MTG2: variants seen among roughly 807,000 people sequenced by gnomAD.
The protein encoded by MTG2 is mitochondrial ribosome associated GTPase 2, also known as mitochondrial ribosome-associated GTPase 2.
Under a neutral mutation model 28.6 loss-of-function variants are expected in MTG2, and 23 were observed. The observed-to-expected ratio is 0.80, with a 90% CI of 0.58 to 1.14. MTG2 has a LOEUF of 1.14. Ranked by LOEUF, MTG2 falls within the 50% of genes most tolerant of loss-of-function variation. MTG2 has a pLI of 0.00. For missense variants in MTG2, 539 were observed against 552.0 expected (o/e 0.98, Z 0.24); for synonymous variants, 260 against 251.8 (o/e 1.03, Z -0.31).
chr20:62,191,849 A>C (rs1324171631), intron 1 of MTG2, among the ~76,000 whole-genome samples: 1 of 152,236 alleles, frequency 6.6e-6, no homozygotes, highest in East Asian at 1.9e-4. Context: ...GGGCAGGGTC[A>C]GGACTTCCTC....
intron 1 of MTG2, among the ~76,000 whole-genome samples, chr20:62,190,277 C>T (rs1376069213): frequency 2.0e-5 from 3 of 152,236 alleles, no homozygotes; most frequent in African/African-American, 7.2e-5. Context: ...CCTGACCTTT[C>T]TGTTGCCTTT....
chr20:62,196,858 G>T (rs571208818), intron 3 of MTG2, among the ~76,000 whole-genome samples: 1 of 147,536 alleles, frequency 6.8e-6, no homozygotes, highest in Non-Finnish European at 1.5e-5. Context: ...GTGAAACCCC[G>T]TCTCTACAAA....
At chr20:62,195,706 G>A (rs1244065867) in intron 2 of MTG2, 96 bp from the exon 3 acceptor site, 40 of 1,446,378 alleles carry the variant, frequency 2.8e-5, no homozygotes, top group Admixed American at 7.2e-5. Flanking sequence ...TTAATAGGCT[G>A]TTATAGATAG....
In MTG2 at chr20:62,193,608, T is replaced by C. The variant is rs1407308650; in HGVS notation, c.188T>C (p.Leu63Pro). Residue 63 changes from leucine (L) to proline (P), a missense_variant, in exon 2 of 7, where the codon CTC becomes CCC. Coordinates refer to ENST00000370823, the MANE Select transcript of MTG2 (RefSeq NM_015666.4). ...KHQELPGKKL[L>P]SEKKLKRYFV... ...CAGGAACTCCCGGGGAAGAAGCTGC[T>C]CTCTGAGAAAAAGCTGGTGAGACTC... is the stretch of plus-strand genomic sequence containing the variant. 1 of 1,611,708 alleles carries C rather than the reference T, an allele frequency of 6.2e-7. No individual in the cohort carries two copies.
chr20:62,195,971 A>C, intron 3 of MTG2, 22 bp downstream of exon 3: 1 of 1,612,822 alleles, frequency 6.2e-7, no homozygotes, highest in Non-Finnish European at 8.5e-7. Flanking sequence ...GGGGCAGTGC[A>C]GCGGGGTTGA....
intron 1 of MTG2, among the ~76,000 whole-genome samples, chr20:62,184,131 G>T (rs2057785080): frequency 6.6e-6 from 1 of 152,236 alleles, no homozygotes; most frequent in South Asian, 2.1e-4. Flanking sequence ...GGCCAAGGCG[G>T]GCAGATCACG....
chr20:62,200,573 C>T, intron 6 of MTG2, 110 bp from the exon 7 acceptor site: 1 of 1,331,296 alleles, frequency 7.5e-7, no homozygotes, highest in Non-Finnish European at 1.0e-6. Flanking sequence ...CTCAGGAAAT[C>T]CGCCTTCGCA....
intron 1 of MTG2, among the ~76,000 whole-genome samples, chr20:62,185,273 G>A (rs559458276): frequency 2.6e-5 from 4 of 152,010 alleles, no homozygotes; most frequent in South Asian, 2.1e-4. Context: ...TTAGCTGGGC[G>A]TGGTGGCATG....
At chr20:62,194,743 C>T (rs1237532621) in intron 2 of MTG2, among the ~76,000 whole-genome samples, 1 of 152,192 alleles carries the variant, frequency 6.6e-6, no homozygotes, top group Admixed American at 6.5e-5. Flanking sequence ...TGTCTGTGCA[C>T]GTGGGCAGAA....
chr20:62,198,799 G>A lies in MTG2; in HGVS notation c.634G>A (p.Gly212Arg). Residue 212 changes from glycine to arginine, a missense_variant, in exon 5 of 7, where the codon GGA (glycine) becomes AGA (arginine). By Grantham distance (125) the Gly-to-Arg change is moderately radical. Coordinates refer to ENST00000370823, the MANE Select transcript of MTG2 (RefSeq NM_015666.4). ...TGTGACCTGTACCCCTGGACAGCCA[G>A]GACAGCAGCGAGTTCTCCACCTGGA... The part of the protein sequence containing the change: ...APVTCTPGQP[G>R]QQRVLHLELK... 1 of 1,614,172 alleles carries A rather than the reference G, an allele frequency of 6.2e-7. No homozygotes were observed. Among genetic ancestry groups the A allele is most frequent in the Non-Finnish European group, 8.5e-7 (1 of 1,180,052 alleles).
At chr20:62,190,257 C>G (rs921553430) in intron 1 of MTG2, among the ~76,000 whole-genome samples, 2 of 152,224 alleles carry the variant, frequency 1.3e-5, no homozygotes, top group African/African-American at 4.8e-5. Context: ...CTGGGTCCCT[C>G]GAATCCCCTC....
chr20:62,193,588 A>G lies in MTG2; in HGVS notation c.168A>G (p.Glu56=), dbSNP rs2058003589. Residue 56 remains glutamate, a synonymous_variant, in exon 2 of 7, where the codon GAA becomes GAG. Coordinates refer to ENST00000370823, the MANE Select transcript of MTG2 (RefSeq NM_015666.4). The part of the protein sequence containing the change: ...VGRADLAKHQ[E]LPGKKLLSEK... ...GTGCGGACCTCGCCAAGCATCAGGA[A>G]CTCCCGGGGAAGAAGCTGCTCTCTG... 6.2e-7 allele frequency: 1 copy of G among 1,612,038 alleles called. No homozygotes were observed. The highest frequency in any genetic ancestry group is 8.5e-7 in the Non-Finnish European group (1 of 1,179,542).
intron 1 of MTG2, among the ~76,000 whole-genome samples, chr20:62,187,638 C>T (rs559389700): frequency 3.9e-5 from 6 of 152,210 alleles, no homozygotes; most frequent in Non-Finnish European, 5.9e-5. Flanking sequence ...AAGTCGTTCC[C>T]AGCATTCTCT....
rs2057997912 is a variant in MTG2 at position 62,193,400 on chromosome 20, A to C, written c.-5-16A>C. On this transcript the variant is annotated splice_polypyrimidine_tract_variant and intron_variant, in intron 1 of 6. Coordinates refer to ENST00000370823, the MANE Select transcript of MTG2 (RefSeq NM_015666.4). ...ATTAAACCAAGTATCTCATTTTGCC[A>C]ATTTGACTTCTGTAGGGGCCATGGC... The C allele has an allele frequency of 6.2e-7, 1 of 1,612,860 alleles. No homozygotes were observed. The highest frequency in any genetic ancestry group is 1.3e-5 in the African/African-American group (1 of 74,884).
chr20:62,194,174 T>C (rs1336880687), intron 2 of MTG2: 1 of 152,198 alleles, frequency 6.6e-6, no homozygotes, highest in Non-Finnish European at 1.5e-5. Flanking sequence ...TTAAGCCTTA[T>C]AAGTTTTTCT....
chr20:62,196,167 GTTT>G (rs35103146), intron 3 of MTG2, among the ~76,000 whole-genome samples: 2 of 145,906 alleles, frequency 1.4e-5, no homozygotes, highest in African/African-American at 2.6e-5. Flanking sequence ...TTGTTTTTTT[GTTT>G]TTTTTTTTTT....
intron 3 of MTG2, 83 bp downstream of exon 3, chr20:62,196,032 G>C: frequency 1.3e-6 from 2 of 1,525,236 alleles, no homozygotes; most frequent in Non-Finnish European, 1.8e-6. Flanking sequence ...CTGATGTATG[G>C]GCAGGCACAG....
In MTG2 at chr20:62,183,385, T is replaced by C. The variant is rs567093353; in HGVS notation, c.-6+328T>C. 5.9e-5 allele frequency among the ~76,000 whole-genome samples: 9 copies of C among 152,350 alleles called. No individual in the cohort carries two copies. The East Asian group carries it at 1.7e-3, about 29-fold the overall frequency. ...GCTCTGTCACGGGATGGGTGCCGTGTGTGAGTTCCGAGTCAAGTTGTTAGG... is the reference window on the plus strand; with the variant it reads ...GCTCTGTCACGGGATGGGTGCCGTGCGTGAGTTCCGAGTCAAGTTGTTAGG... On this transcript the variant is annotated intron_variant, in intron 1 of 6. Coordinates refer to ENST00000370823, the MANE Select transcript of MTG2 (RefSeq NM_015666.4).
At chr20:62,197,783 C>G in intron 3 of MTG2, 69 bp from the exon 4 acceptor site, 1 of 1,365,924 alleles carries the variant, frequency 7.3e-7, no homozygotes, top group South Asian at 1.2e-5. Flanking sequence ...TAAACTGGAC[C>G]CAGACACATC....
Sources: allele counts gnomAD v4.1 joint callset (sites outside exome capture counted in the v4.1 genomes callset), GRCh38; gene constraint gnomAD v4.1.1; transcripts MANE v1.5; gene names NCBI Gene and HGNC (gene_info 2026-07-23, HGNC 2026-07-21).